CTRC: variants seen among roughly 807,000 people sequenced by gnomAD.
CTRC encodes chymotrypsin C.
CTRC carries 32 observed loss-of-function variants against 35.7 expected under a neutral mutation model. That is an observed-to-expected ratio of 0.90 (90% CI 0.68 to 1.20). The LOEUF is 1.20. CTRC is among the 50% of genes most tolerant of loss of function. The pLI, the probability that CTRC is intolerant of heterozygous loss-of-function variation, is 0.00. For missense variants in CTRC, 324 were observed against 361.5 expected (o/e 0.90, Z 0.84); for synonymous variants, 119 against 149.5 (o/e 0.80, Z 1.49).
At position 15,446,480 on chromosome 1, in the gene CTRC, C is replaced by T. The variant is rs1478380908; in HGVS notation, c.793-95C>T. On this transcript the variant is annotated intron_variant, in intron 7 of 7. Transcript: ENST00000375949. ...CATGTGAAGGCCGGGGGCTGCTGGC[C>T]ATGCCCCCATGGACCCACCCTCCGG... is the stretch of plus-strand genomic sequence containing the variant. 3.2e-6 allele frequency: 4 copies of T among 1,262,232 alleles called. No homozygotes were observed. In the African/African-American group the frequency reaches 5.9e-5, roughly 19 times the overall value. The allele number at this position is 1,262,232 out of a possible 1,614,324, so 78.2% of individuals were successfully genotyped here.
Position 15,443,471 on chromosome 1 carries a change from A to G in CTRC, c.409A>G (p.Ile137Val). Residue 137 changes from isoleucine (I) to valine (V), a missense_variant, in exon 5 of 8, where the codon ATC becomes GTC. Ile to Val is a conservative substitution (Grantham distance 29). Coordinates refer to ENST00000375949, the MANE Select transcript of CTRC (RefSeq NM_007272.3). ...LAEHVELSDT[I>V]QVACLPEKDS... ...AGAGCATGTGGAGCTGAGTGACACC[A>G]TCCAGGTGGCCTGCCTGCCAGAGAA... is the stretch of plus-strand genomic sequence containing the variant. 1 of 1,614,180 alleles carries G rather than the reference A, an allele frequency of 6.2e-7. No homozygotes were observed. Among genetic ancestry groups the G allele is most frequent in the Non-Finnish European group, 8.5e-7 (1 of 1,180,032 alleles).
chr1:15,446,465 C>A, intron 7 of CTRC, 110 bp from the exon 8 acceptor site: 2 of 1,080,676 alleles, frequency 1.9e-6, no homozygotes, highest in Non-Finnish European at 2.9e-6. Context: ...CATGTGAAGG[C>A]CGGGGGCTGC....
intron 6 of CTRC, 116 bp from the exon 7 acceptor site, chr1:15,445,481 G>A: frequency 1.8e-6 from 2 of 1,083,596 alleles, no homozygotes; most frequent in Non-Finnish European, 2.7e-6. Flanking sequence ...GGCCAAATCT[G>A]TCCACTAACT....
At chr1:15,443,642 C>A in intron 5 of CTRC, 87 bp downstream of exon 5, 1 of 1,533,134 alleles carries the variant, frequency 6.5e-7, no homozygotes, top group Non-Finnish European at 9.0e-7. Flanking sequence ...GCCTTTTTGC[C>A]TTCACATTTT....
Position 15,448,473 on chromosome 1 carries a change from G to A in CTRC, c.*1884G>A, listed in dbSNP as rs1214271700. ...CCTGCCTCAGCCTCCTGAGTAGCTG[G>A]GACTACAGGCGCCAGCCACCATGCC... On this transcript the variant is annotated 3_prime_UTR_variant, in exon 8 of 8. Coordinates refer to ENST00000375949, the MANE Select transcript of CTRC (RefSeq NM_007272.3). 1.3e-5 allele frequency: 2 copies of A among 151,714 alleles called. No individual in the cohort carries two copies. Among genetic ancestry groups the A allele is most frequent in the Non-Finnish European group, 2.9e-5 (2 of 67,980 alleles). 9.4% of individuals were successfully genotyped at this position (151,714 alleles called of 1,614,324 possible). A position where few individuals can be genotyped will look rare whatever the true frequency, so the allele number is the denominator to read the frequency against.
In CTRC at chr1:15,446,603, G is replaced by A. The variant is rs781688694; in HGVS notation, c.*14G>A. ...ATGCAGCTGTGATTTGTTGCTGGGAGCGGCGGCAGCGAGTCCCTGCAACAG... is the reference window on the plus strand; with the variant it reads ...ATGCAGCTGTGATTTGTTGCTGGGAACGGCGGCAGCGAGTCCCTGCAACAG... On this transcript the variant is annotated 3_prime_UTR_variant, in exon 8 of 8. Coordinates refer to ENST00000375949, the MANE Select transcript of CTRC (RefSeq NM_007272.3). 1 of 1,614,188 alleles carries A rather than the reference G, an allele frequency of 6.2e-7. No homozygotes were observed.
intron 3 of CTRC, among the ~76,000 whole-genome samples, chr1:15,441,527 A>G (rs514941): frequency 0.73 from 110,354 of 151,948 alleles, 41,427 homozygotes; most frequent in African/African-American, 0.93. Context: ...GCAGGTCAGT[A>G]TCAGGACCTT....
chr1:15,444,546 G>T, intron 5 of CTRC, 60 bp from the exon 6 acceptor site: 1 of 1,609,944 alleles, frequency 6.2e-7, no homozygotes, highest in Non-Finnish European at 8.5e-7. Flanking sequence ...TGAAGGCCTG[G>T]GGAGGGGCTG....
chr1:15,444,204 C>CTA (rs1197683507), intron 5 of CTRC, among the ~76,000 whole-genome samples: 1 of 151,862 alleles, frequency 6.6e-6, no homozygotes, highest in African/African-American at 2.4e-5. Context: ...CTGCAGTGAG[C>CTA]TATGATCTTG....
At chr1:15,445,930 GTATT>G (rs1268453377) in intron 7 of CTRC, among the ~76,000 whole-genome samples, 181 bp downstream of exon 7, 3 of 149,866 alleles carry the variant, frequency 2.0e-5, no homozygotes, top group East Asian at 1.9e-4. Context: ...ACTCATTCAT[GTATT>G]TATTCATTTA....
Position 15,440,576 on chromosome 1 carries a change from C to T in CTRC, c.216C>T (p.Ala72=), listed in dbSNP as rs140059353. Residue 72 remains alanine, a synonymous_variant, in exon 3 of 8, where the codon GCC becomes GCT. Transcript: ENST00000375949. ...TLIASNFVLT[A]AHCISNTRTY... is the part of the protein sequence containing the mutation. The stretch of plus-strand genomic sequence containing the variant: ...TTGCTAGCAACTTCGTCCTCACTGC[C>T]GCCCACTGCATCAGGTGTGCGGGGA... 129 of 1,614,076 alleles carry T rather than the reference C, an allele frequency of 8.0e-5. No individual in the cohort carries two copies. The highest frequency in any genetic ancestry group is 4.9e-4 in the Middle Eastern group (3 of 6,062).
Position 15,445,688 on chromosome 1 carries a change from A to G in CTRC, c.731A>G (p.Asn244Ser). The G allele has an allele frequency of 6.2e-7, 1 of 1,613,938 alleles. No homozygotes were observed. Among genetic ancestry groups the G allele is most frequent in the South Asian group, 1.1e-5 (1 of 91,090 alleles). The change falls in exon 7 of 8, where the codon AAC (asparagine) becomes AGC (serine). Residue 244 changes from asparagine to serine, a missense_variant. Coordinates refer to ENST00000375949, the MANE Select transcript of CTRC (RefSeq NM_007272.3). ...AGCTTTGGCTCCCGGCGGGGCTGCAACACCCGCAAGAAGCCGGTAGTCTAC... is the reference window on the plus strand; with the variant it reads ...AGCTTTGGCTCCCGGCGGGGCTGCAGCACCCGCAAGAAGCCGGTAGTCTAC... ...IVSFGSRRGC[N>S]TRKKPVVYTR...
chr1:15,443,527 C>T lies in CTRC; in HGVS notation c.465C>T (p.Cys155=), dbSNP rs1187465118. 1 of 1,614,122 alleles carries T rather than the reference C, an allele frequency of 6.2e-7. No homozygotes were observed. The highest frequency in any genetic ancestry group is 1.3e-5 in the African/African-American group (1 of 74,950). Residue 155 remains cysteine, a synonymous_variant, in exon 5 of 8, where the codon TGC becomes TGT. Transcript: ENST00000375949. ...KDSLLPKDYP[C]YVTGWGRLWT... is the part of the protein sequence containing the mutation. ...CCCTGCTCCCCAAGGACTACCCCTG[C>T]TATGTCACCGGCTGGGGCCGCCTCT...
At position 15,442,233 on chromosome 1, in the gene CTRC, G is replaced by A. The variant is rs1157309109; in HGVS notation, c.231-214G>A. ...CCCCCTTACAGATGAGGGAACTGAG[G>A]CACAAGGCTACACAGCCAGGAGCAG... On this transcript the variant is annotated intron_variant, in intron 3 of 7. Transcript: ENST00000375949. Among the ~76,000 whole-genome samples the A allele has an allele frequency of 1.3e-5, 2 of 152,106 alleles. 1 individual carries two copies. The highest frequency in any genetic ancestry group is 2.9e-5 in the Non-Finnish European group (2 of 68,024).
intron 1 of CTRC, among the ~76,000 whole-genome samples, chr1:15,439,723 T>C (rs1437430181): frequency 6.6e-6 from 1 of 152,164 alleles, no homozygotes; most frequent in East Asian, 1.9e-4. Context: ...CTCGCACACA[T>C]GCCAGCCAGT....
At position 15,441,484 on chromosome 1, in the gene CTRC, G is replaced by A. The variant is rs569811303; in HGVS notation, c.230+894G>A. ...GTGGCAGGGGCAGCGTGTGCTAGAG[G>A]AGAGTGGGAGGTGAGCTAGAGAGGA... On this transcript the variant is annotated intron_variant, in intron 3 of 7. Coordinates refer to ENST00000375949, the MANE Select transcript of CTRC (RefSeq NM_007272.3). 1.6e-4 allele frequency among the ~76,000 whole-genome samples: 25 copies of A among 152,224 alleles called. 1 individual carries two copies. The highest frequency in any genetic ancestry group is 3.4e-3 in the Middle Eastern group (1 of 294).
At chr1:15,440,651 G>A (rs1708119197) in intron 3 of CTRC, 61 bp downstream of exon 3, 2 of 1,498,566 alleles carry the variant, frequency 1.3e-6, no homozygotes, top group East Asian at 2.3e-5. Context: ...CTGATACTCT[G>A]CTTTTTCTGA....
chr1:15,442,199 G>A (rs1198571129), intron 3 of CTRC, among the ~76,000 whole-genome samples: 1 of 152,166 alleles, frequency 6.6e-6, no homozygotes, highest in African/African-American at 2.4e-5. Context: ...GTAAGTTCCA[G>A]CATTGCCTCC....
Position 15,446,679 on chromosome 1 carries a change from T to C in CTRC, c.*90T>C. ...ACCTGGATCCTTGATTTGTGCAGCTTCTGTTGCTTCCCTCCTCTCTGGTGC... is the reference window on the plus strand; with the variant it reads ...ACCTGGATCCTTGATTTGTGCAGCTCCTGTTGCTTCCCTCCTCTCTGGTGC... On this transcript the variant is annotated 3_prime_UTR_variant, in exon 8 of 8. Transcript: ENST00000375949. The C allele has an allele frequency of 6.9e-7, 1 of 1,449,524 alleles. No individual in the cohort carries two copies. The highest frequency in any genetic ancestry group is 9.7e-7 in the Non-Finnish European group (1 of 1,030,276). The allele number at this position is 1,449,524 out of a possible 1,614,324, so 89.8% of individuals were successfully genotyped here.
Sources: allele counts gnomAD v4.1 joint callset (sites outside exome capture counted in the v4.1 genomes callset), GRCh38; gene constraint gnomAD v4.1.1; transcripts MANE v1.5; gene names NCBI Gene and HGNC (gene_info 2026-07-23, HGNC 2026-07-21).